SPRED1: variants seen among roughly 807,000 people sequenced by gnomAD.
SPRED1 encodes the protein sprouty related EVH1 domain containing 1, also known as sprouty-related, EVH1 domain-containing protein 1.
SPRED1 carries 18 observed loss-of-function variants against 52.3 expected under a neutral mutation model. The observed-to-expected ratio is 0.34, with a 90% CI of 0.24 to 0.51. The LOEUF (loss-of-function observed/expected upper bound fraction) is 0.51, where lower values mean the gene tolerates loss of function less well. SPRED1 is among the 20% of genes least tolerant of loss of function. SPRED1 has a pLI of 0.97. For missense variants in SPRED1, 485 were observed against 551.0 expected, an observed-to-expected ratio of 0.88 and a Z score of 1.20; for synonymous variants, 155 against 179.7, an observed-to-expected ratio of 0.86 and a Z score of 1.10.
At chr15:38,281,931 T>C (rs1434781035) in intron 1 of SPRED1, among the ~76,000 whole-genome samples, 4 of 152,178 alleles carry the variant, frequency 2.6e-5, no homozygotes, top group African/African-American at 4.8e-5. Flanking sequence ...CGATACCTAG[T>C]TCAGTATGAG....
At chr15:38,271,479 G>A (rs6495952) in intron 1 of SPRED1, among the ~76,000 whole-genome samples, 132,174 of 150,186 alleles carry the variant, frequency 0.88, 57,479 homozygotes, top group Non-Finnish European at 0.91. Context: ...AATAGAGACA[G>A]CTAACATTTA....
At chr15:38,273,646 A>G (rs1381342302) in intron 1 of SPRED1, among the ~76,000 whole-genome samples, 3 of 151,492 alleles carry the variant, frequency 2.0e-5, no homozygotes, top group African/African-American at 7.3e-5. Flanking sequence ...TTGAAAATGG[A>G]TAATTTGTAG....
At chr15:38,290,625 C>T (rs141076866) in intron 1 of SPRED1, among the ~76,000 whole-genome samples, 2 of 152,200 alleles carry the variant, frequency 1.3e-5, no homozygotes, top group Non-Finnish European at 2.9e-5. Flanking sequence ...CTGGAGAGGC[C>T]TCAGAGTCAT....
intron 4 of SPRED1, among the ~76,000 whole-genome samples, chr15:38,334,426 G>T (rs1227773001): frequency 2.6e-5 from 4 of 151,942 alleles, no homozygotes; most frequent in African/African-American, 9.7e-5. Context: ...ATTATTCTTT[G>T]TATGATTATG....
chr15:38,324,750 T>C lies in SPRED1; in HGVS notation c.377-13T>C. 1.3e-6 allele frequency: 2 copies of C among 1,594,890 alleles called. No homozygotes were observed. Among genetic ancestry groups the C allele is most frequent in the Non-Finnish European group, 1.7e-6 (2 of 1,169,378 alleles). On this transcript the variant is annotated splice_polypyrimidine_tract_variant and intron_variant, in intron 3 of 6. Transcript: ENST00000299084. Reference sequence around the variant, plus strand: ...AAATTCTATACTTAATTAACTTTTATCTATTTTCTTAGGATGCCCCGAATC... The same window carrying C: ...AAATTCTATACTTAATTAACTTTTACCTATTTTCTTAGGATGCCCCGAATC...
intron 4 of SPRED1, among the ~76,000 whole-genome samples, chr15:38,334,658 C>T (rs1312473149): frequency 1.3e-5 from 2 of 151,970 alleles, no homozygotes; most frequent in Admixed American, 6.6e-5. Flanking sequence ...CTTGGGAATA[C>T]TGAAAATATC....
intron 2 of SPRED1, among the ~76,000 whole-genome samples, chr15:38,307,170 A>C (rs1395229673): frequency 2.0e-5 from 3 of 152,214 alleles, no homozygotes; most frequent in Admixed American, 2.0e-4. Flanking sequence ...ATTACATTCT[A>C]AATTATAATT....
At chr15:38,327,349 T>A (rs1195165486) in intron 4 of SPRED1, among the ~76,000 whole-genome samples, 1 of 152,204 alleles carries the variant, frequency 6.6e-6, no homozygotes, top group Non-Finnish European at 1.5e-5. Context: ...TATACTTCTC[T>A]CATCATTGGA....
intron 2 of SPRED1, among the ~76,000 whole-genome samples, chr15:38,302,343 G>C (rs1052575833): frequency 3.3e-5 from 5 of 151,828 alleles, no homozygotes; most frequent in Non-Finnish European, 5.9e-5. Context: ...AATAAGTCTT[G>C]TTACGATTCC....
chr15:38,285,105 T>A (rs962101133), intron 1 of SPRED1, among the ~76,000 whole-genome samples: 1 of 152,072 alleles, frequency 6.6e-6, no homozygotes, highest in South Asian at 2.1e-4. Flanking sequence ...TGCCCCCTCC[T>A]GCTCCCTCTC....
At chr15:38,316,351 C>T (rs1895479784) in intron 2 of SPRED1, among the ~76,000 whole-genome samples, 1 of 151,846 alleles carries the variant, frequency 6.6e-6, no homozygotes, top group Admixed American at 6.6e-5. Flanking sequence ...CAGACAAAAA[C>T]ATAAAAAATA....
intron 2 of SPRED1, among the ~76,000 whole-genome samples, chr15:38,316,631 C>T (rs757734254): frequency 6.6e-6 from 1 of 151,798 alleles, no homozygotes; most frequent in Non-Finnish European, 1.5e-5. Flanking sequence ...ATATTGTACT[C>T]CAACCTGGCC....
chr15:38,281,354 A>C (rs1041426150), intron 1 of SPRED1, among the ~76,000 whole-genome samples: 4 of 152,116 alleles, frequency 2.6e-5, no homozygotes, highest in African/African-American at 9.7e-5. Context: ...GTGTCAGATT[A>C]GTCTAGATCT....
intron 2 of SPRED1, among the ~76,000 whole-genome samples, chr15:38,307,806 A>G (rs762630298): frequency 5.3e-5 from 8 of 152,008 alleles, no homozygotes; most frequent in Non-Finnish European, 7.4e-5. Flanking sequence ...GGAGGGGTAT[A>G]TTTTTGCTTA....
At chr15:38,350,978 A>G in intron 6 of SPRED1, 36 bp from the exon 7 acceptor site, 2 of 1,593,730 alleles carry the variant, frequency 1.3e-6, no homozygotes, top group Non-Finnish European at 1.7e-6. Context: ...TAACCATCAT[A>G]GCCCTCATTG....
chr15:38,260,645 C>T (rs953810929), intron 1 of SPRED1, among the ~76,000 whole-genome samples: 25 of 152,088 alleles, frequency 1.6e-4, no homozygotes, highest in East Asian at 3.9e-4. Flanking sequence ...AATAAAGAAC[C>T]GCATTATTAC....
intron 2 of SPRED1, among the ~76,000 whole-genome samples, chr15:38,310,115 T>TTGTGTGTGTGTGTG (rs767218956): frequency 6.0e-3 from 139 of 23,184 alleles, no homozygotes; most frequent in East Asian, 0.017. Context: ...AGACTATTCT[T>TTGTGTGTGTGTGTG]TGTGTGTGTG....
At chr15:38,254,615 G>A (rs1894052937) in intron 1 of SPRED1, among the ~76,000 whole-genome samples, 1 of 151,774 alleles carries the variant, frequency 6.6e-6, no homozygotes, top group Non-Finnish European at 1.5e-5. Flanking sequence ...GAGTTCAGAA[G>A]GTAAGAAGAA....
intron 4 of SPRED1, among the ~76,000 whole-genome samples, chr15:38,329,701 A>G (rs1048724681): frequency 2.6e-5 from 4 of 152,188 alleles, no homozygotes; most frequent in African/African-American, 9.6e-5. Context: ...TTACAAAGAC[A>G]AAATTAGGAA....
Sources: allele counts gnomAD v4.1 joint callset (sites outside exome capture counted in the v4.1 genomes callset), GRCh38; gene constraint gnomAD v4.1.1; transcripts MANE v1.5; gene names NCBI Gene and HGNC (gene_info 2026-07-23, HGNC 2026-07-21).